FMNL2: variants seen among roughly 807,000 people sequenced by gnomAD.
FMNL2 encodes formin like 2.
Under a neutral mutation model 130.2 loss-of-function variants are expected in FMNL2, and 51 were observed. That is an observed-to-expected ratio of 0.39 (90% confidence interval 0.31 to 0.49). The LOEUF (loss-of-function observed/expected upper bound fraction) is 0.49, where lower values mean the gene tolerates loss of function less well. FMNL2 is among the 20% of genes least tolerant of loss of function. The probability of loss-of-function intolerance (pLI) is 0.85; values close to 1 mark genes in which losing one functional copy is unlikely to be tolerated. For missense variants in FMNL2, 977 were observed against 1,316.2 expected, an observed-to-expected ratio of 0.74 and a Z score of 3.99; for synonymous variants, 465 against 467.1, an observed-to-expected ratio of 1.00 and a Z score of 0.06.
intron 4 of FMNL2, among the ~76,000 whole-genome samples, chr2:152,553,730 A>G (rs1176885773): frequency 2.0e-5 from 3 of 151,572 alleles, no homozygotes; most frequent in African/African-American, 7.3e-5. Context: ...TATAAAATAA[A>G]TGTTATGTAT....
intron 6 of FMNL2, among the ~76,000 whole-genome samples, chr2:152,573,801 T>G (rs1696314851): frequency 6.6e-6 from 1 of 152,232 alleles, no homozygotes; most frequent in African/African-American, 2.4e-5. Flanking sequence ...ATACAACTAA[T>G]AAACAAGTTT....
intron 1 of FMNL2, among the ~76,000 whole-genome samples, chr2:152,353,779 T>C (rs1034572286): frequency 6.6e-6 from 1 of 152,214 alleles, no homozygotes; most frequent in Non-Finnish European, 1.5e-5. Flanking sequence ...CTTTTAAAAT[T>C]TGACTTTATT....
intron 1 of FMNL2, among the ~76,000 whole-genome samples, chr2:152,394,721 G>GTT (rs11407117): frequency 0.022 from 3,182 of 143,678 alleles, 122 homozygotes; most frequent in African/African-American, 0.078. Context: ...TAACTGTTGG[G>GTT]TTTTTTTTTT....
chr2:152,443,048 G>A (rs933208376), intron 1 of FMNL2, among the ~76,000 whole-genome samples: 1 of 152,190 alleles, frequency 6.6e-6, no homozygotes, highest in Admixed American at 6.5e-5. Flanking sequence ...CCTGAAAAAT[G>A]TATCACTATT....
At chr2:152,578,587 ATTT>A (rs577799870) in intron 7 of FMNL2, 157 of 141,798 alleles carry the variant, frequency 1.1e-3, no homozygotes, top group Middle Eastern at 3.1e-3. Flanking sequence ...ATCATTGCCG[ATTT>A]TTTTTTTTTT....
At chr2:152,502,668 C>T (rs1200107399) in intron 1 of FMNL2, among the ~76,000 whole-genome samples, 1 of 152,178 alleles carries the variant, frequency 6.6e-6, no homozygotes, top group Non-Finnish European at 1.5e-5. Context: ...GCCTGGGCAA[C>T]AGAGCAAGAC....
chr2:152,424,304 A>T (rs1051844276), intron 1 of FMNL2, among the ~76,000 whole-genome samples: 17 of 151,596 alleles, frequency 1.1e-4, no homozygotes, highest in African/African-American at 4.1e-4. Flanking sequence ...TTTTGGTGGG[A>T]GGAAAATTTG....
chr2:152,362,288 A>T (rs1329803031), intron 1 of FMNL2, among the ~76,000 whole-genome samples: 1 of 152,190 alleles, frequency 6.6e-6, no homozygotes, highest in Admixed American at 6.5e-5. Context: ...ATTTCTTAGG[A>T]TGATATCAAG....
At position 152,569,431 on chromosome 2, in the gene FMNL2, T is replaced by C. The variant is rs374573304; in HGVS notation, c.597-5705T>C. Among the ~76,000 whole-genome samples, 9 of 152,304 alleles carry C rather than the reference T, an allele frequency of 5.9e-5. No homozygotes were observed. In the South Asian group the frequency reaches 1.9e-3, roughly 32 times the overall value. ...GGTTGAGGTGTTCCATTTGTGCTCC[T>C]TGATAGATTCATTGTTGAGCATTAA... is the stretch of plus-strand genomic sequence containing the variant. On this transcript the variant is annotated intron_variant, in intron 6 of 25. Transcript: ENST00000288670.
intron 6 of FMNL2, among the ~76,000 whole-genome samples, chr2:152,566,363 G>A (rs1012047867): frequency 5.9e-5 from 9 of 152,168 alleles, no homozygotes; most frequent in African/African-American, 2.2e-4. Flanking sequence ...TGTACTAAGG[G>A]CCTCGGGGGA....
chr2:152,563,290 T>G (rs1301324636), intron 6 of FMNL2, among the ~76,000 whole-genome samples: 1 of 152,192 alleles, frequency 6.6e-6, no homozygotes, highest in African/African-American at 2.4e-5. Flanking sequence ...AATACCACAT[T>G]CTTCTGTTTT....
At chr2:152,488,174 G>T (rs1690945258) in intron 1 of FMNL2, among the ~76,000 whole-genome samples, 1 of 152,330 alleles carries the variant, frequency 6.6e-6, no homozygotes, top group East Asian at 1.9e-4. Flanking sequence ...GCTGGGTCCT[G>T]TTGGGGTTTG....
chr2:152,482,261 C>T (rs1397043805), intron 1 of FMNL2, among the ~76,000 whole-genome samples: 1 of 152,048 alleles, frequency 6.6e-6, no homozygotes, highest in Admixed American at 6.6e-5. Context: ...TTTTTTTCTA[C>T]CACATGAATC....
At chr2:152,577,410 A>G (rs769598069) in intron 7 of FMNL2, among the ~76,000 whole-genome samples, 3 of 152,176 alleles carry the variant, frequency 2.0e-5, no homozygotes, top group Non-Finnish European at 4.4e-5. Context: ...TCTTAGGTGC[A>G]TGGTTGGATA....
At chr2:152,641,019 C>G in intron 25 of FMNL2, 105 bp downstream of exon 25, 1 of 1,446,498 alleles carries the variant, frequency 6.9e-7, no homozygotes, top group Non-Finnish European at 9.5e-7. Context: ...TTGTCAAGTT[C>G]ATTAGTTGAC....
At chr2:152,595,844 TGACA>T (rs1697739407) in intron 9 of FMNL2, among the ~76,000 whole-genome samples, 1 of 111,582 alleles carries the variant, frequency 9.0e-6, no homozygotes, top group South Asian at 2.4e-4. Flanking sequence ...GAGTCTAATG[TGACA>T]GAGTGGGTAC....
At chr2:152,448,597 T>A (rs1688476776) in intron 1 of FMNL2, among the ~76,000 whole-genome samples, 1 of 152,186 alleles carries the variant, frequency 6.6e-6, no homozygotes, top group South Asian at 2.1e-4. Context: ...GGACTGTCAG[T>A]ATGGCATAAA....
At chr2:152,563,407 C>A (rs561709242) in intron 6 of FMNL2, among the ~76,000 whole-genome samples, 16 of 152,230 alleles carry the variant, frequency 1.1e-4, no homozygotes, top group African/African-American at 3.6e-4. Context: ...AACTTTCATG[C>A]CACTTAAGGA....
At chr2:152,610,853 G>T (rs181239920) in intron 10 of FMNL2, among the ~76,000 whole-genome samples, 1 of 152,146 alleles carries the variant, frequency 6.6e-6, no homozygotes, top group Admixed American at 6.5e-5. Flanking sequence ...ATCATTTTGA[G>T]TAAAAGTCAC....
Sources: allele counts gnomAD v4.1 joint callset (sites outside exome capture counted in the v4.1 genomes callset), GRCh38; gene constraint gnomAD v4.1.1; transcripts MANE v1.5; gene names NCBI Gene and HGNC (gene_info 2026-07-23, HGNC 2026-07-21).